IL33: variants seen among roughly 807,000 people sequenced by gnomAD.
IL33 encodes the protein interleukin-33.
A neutral mutation model predicts 27.3 loss-of-function variants in IL33; 37 were observed. The observed-to-expected ratio is 1.36, with a 90% CI of 1.04 to 1.78. The LOEUF (loss-of-function observed/expected upper bound fraction) is 1.78, where lower values mean the gene tolerates loss of function less well. IL33 is among the 40% of genes most tolerant of loss of function. The probability of loss-of-function intolerance (pLI) is 0.00; values close to 1 mark genes in which losing one functional copy is unlikely to be tolerated. For missense variants in IL33, 406 were observed against 311.4 expected (o/e 1.30, Z -2.29); for synonymous variants, 132 against 102.9 (o/e 1.28, Z -1.71).
chr9:6,234,882 G>T (rs1819108745), intron 1 of IL33, among the ~76,000 whole-genome samples: 1 of 152,056 alleles, frequency 6.6e-6, no homozygotes, highest in Non-Finnish European at 1.5e-5. Flanking sequence ...TTGTCCACAG[G>T]ATAAAATTCA....
In IL33 at chr9:6,252,074, AAAAC is replaced by A. The variant is rs1218197554; in HGVS notation, c.344-788_344-785del. On this transcript the variant is annotated intron_variant, in intron 4 of 7. Coordinates refer to ENST00000682010, the MANE Select transcript of IL33 (RefSeq NM_033439.4). ...AAACAAACAAAAAAAAACCCAACAAAAAACAAAACAAAACAAAAAAACCAACTTT... is the reference window on the plus strand; with the variant it reads ...AAACAAACAAAAAAAAACCCAACAAAAAAACAAAACAAAAAAACCAACTTT... 2.1e-3 allele frequency among the ~76,000 whole-genome samples: 281 copies of A among 131,866 alleles called. 9 individuals carry two copies. Among genetic ancestry groups the A allele is most frequent in the African/African-American group, 7.5e-3 (238 of 31,894 alleles). The allele number at this position is 131,866 out of a possible 152,430, so 86.5% of individuals were successfully genotyped here.
At chr9:6,223,883 T>G (rs1818515891) in intron 1 of IL33, among the ~76,000 whole-genome samples, 1 of 152,162 alleles carries the variant, frequency 6.6e-6, no homozygotes, top group South Asian at 2.1e-4. Flanking sequence ...CTTCCCACCC[T>G]TCTACTCTAC....
chr9:6,253,553 T>A lies in IL33; in HGVS notation c.471T>A (p.Asp157Glu), dbSNP rs763716717. Residue 157 changes from aspartate to glutamate, a missense_variant and splice_region_variant, in exon 6 of 8, where the codon GAT (aspartate) becomes GAA (glutamate). Asp to Glu is a conservative substitution (Grantham distance 45). Transcript: ENST00000682010. ...VEDLKKDEKK[D>E]KVLLSYYESQ... Reference sequence around the variant, plus strand: ...GGGATTTTATGCATTCTCTTTCAGATAAGGTGTTACTGAGTTACTATGAGT... The same window carrying A: ...GGGATTTTATGCATTCTCTTTCAGAAAAGGTGTTACTGAGTTACTATGAGT... 6 of 1,602,102 alleles carry A rather than the reference T, an allele frequency of 3.7e-6. No homozygotes were observed. Among genetic ancestry groups the A allele is most frequent in the Admixed American group, 3.4e-5 (2 of 58,824 alleles).
At chr9:6,245,965 A>G (rs550583582) in intron 2 of IL33, among the ~76,000 whole-genome samples, 2 of 142,166 alleles carry the variant, frequency 1.4e-5, no homozygotes, top group African/African-American at 5.2e-5. Flanking sequence ...TGGGAGGCTG[A>G]GGCAGGAGAA....
At chr9:6,236,517 C>A (rs564485453) in intron 1 of IL33, among the ~76,000 whole-genome samples, 1 of 152,224 alleles carries the variant, frequency 6.6e-6, no homozygotes, top group East Asian at 1.9e-4. Context: ...CTGCCTAGAG[C>A]CTATATTGCA....
intron 2 of IL33, among the ~76,000 whole-genome samples, chr9:6,247,668 G>A (rs1328281951): frequency 1.3e-5 from 2 of 152,004 alleles, no homozygotes; most frequent in Non-Finnish European, 2.9e-5. Flanking sequence ...ATATACATTT[G>A]AGCTGGCTCT....
At chr9:6,236,977 A>T (rs10975507) in intron 1 of IL33, among the ~76,000 whole-genome samples, 29,195 of 152,238 alleles carry the variant, frequency 0.19, 3,048 homozygotes, top group Non-Finnish European at 0.22. Flanking sequence ...AATGCATTTA[A>T]GTAGCTCCAT....
intron 2 of IL33, among the ~76,000 whole-genome samples, chr9:6,242,993 A>T (rs537822908): frequency 1.1e-4 from 16 of 152,232 alleles, no homozygotes; most frequent in African/African-American, 3.9e-4. Context: ...GGAGGGACCA[A>T]CCTTTTTTCA....
intron 1 of IL33, among the ~76,000 whole-genome samples, chr9:6,228,702 A>C (rs192273633): frequency 6.6e-6 from 1 of 152,176 alleles, no homozygotes; most frequent in East Asian, 1.9e-4. Context: ...ACAAAAATAA[A>C]AATTTAGCCG....
At chr9:6,241,588 G>C in intron 1 of IL33, 96 bp from the exon 2 acceptor site, 4 of 640,754 alleles carry the variant, frequency 6.2e-6, no homozygotes, top group Non-Finnish European at 1.1e-5. Context: ...TCCTCTATAT[G>C]GTTATGTTAC....
intron 1 of IL33, among the ~76,000 whole-genome samples, chr9:6,216,095 G>A (rs114648893): frequency 1.3e-4 from 20 of 152,202 alleles, no homozygotes; most frequent in African/African-American, 3.9e-4. Context: ...AGTTTTTATA[G>A]TAAATTCTGC....
Position 6,252,075 on chromosome 9 carries a change from AAAC to A in IL33, c.344-788_344-786del, listed in dbSNP as rs1564073291. Among the ~76,000 whole-genome samples the A allele has an allele frequency of 5.4e-3, 722 of 134,550 alleles. 34 individuals carry two copies. Among genetic ancestry groups the A allele is most frequent in the African/African-American group, 0.02 (679 of 33,802 alleles). The allele number at this position is 134,550 out of a possible 152,430, so 88.3% of individuals were successfully genotyped here. On this transcript the variant is annotated intron_variant, in intron 4 of 7. Coordinates refer to ENST00000682010, the MANE Select transcript of IL33 (RefSeq NM_033439.4). ...AACAAACAAAAAAAAACCCAACAAA[AAAC>A]AAAACAAAACAAAAAAACCAACTTT...
chr9:6,215,275 G>C (rs562799600), upstream of IL33, among the ~76,000 whole-genome samples: 2 of 152,312 alleles, frequency 1.3e-5, no homozygotes, highest in East Asian at 3.9e-4. Flanking sequence ...TCTTCTGCGA[G>C]ATTTTTGAGA....
At chr9:6,239,236 C>T (rs965434588) in intron 1 of IL33, among the ~76,000 whole-genome samples, 2 of 152,184 alleles carry the variant, frequency 1.3e-5, no homozygotes, top group Non-Finnish European at 2.9e-5. Context: ...TCAGTGAACA[C>T]ATTCCTTTCC....
At chr9:6,247,451 T>C (rs1298486993) in intron 2 of IL33, among the ~76,000 whole-genome samples, 1 of 152,188 alleles carries the variant, frequency 6.6e-6, no homozygotes, top group Non-Finnish European at 1.5e-5. Context: ...ACCTCTGTGG[T>C]TTCCTATCAG....
At chr9:6,224,356 C>A (rs4520212) in intron 1 of IL33, among the ~76,000 whole-genome samples, 1 of 152,116 alleles carries the variant, frequency 6.6e-6, no homozygotes, top group African/African-American at 2.4e-5. Context: ...GCCTGCTTTT[C>A]TACAAAGGAA....
chr9:6,246,292 G>A (rs182674337), intron 2 of IL33, among the ~76,000 whole-genome samples: 9 of 151,850 alleles, frequency 5.9e-5, no homozygotes, highest in South Asian at 2.1e-4. Context: ...GGCTGGGTGC[G>A]GTGGCTTATG....
At chr9:6,220,036 T>G (rs1564045460) in intron 1 of IL33, among the ~76,000 whole-genome samples, 1 of 152,228 alleles carries the variant, frequency 6.6e-6, no homozygotes, top group Non-Finnish European at 1.5e-5. Context: ...AATATGAAAA[T>G]ATTGATGAAG....
At chr9:6,225,598 A>G (rs1206831901) in intron 1 of IL33, among the ~76,000 whole-genome samples, 2 of 152,234 alleles carry the variant, frequency 1.3e-5, no homozygotes, top group Non-Finnish European at 1.5e-5. Flanking sequence ...GCAAATATCA[A>G]ATGTTTATTT....
Sources: gnomAD v4.1 joint callset for allele counts (sites outside exome capture counted in the v4.1 genomes callset) on GRCh38, gnomAD v4.1.1 for gene constraint, MANE v1.5 for transcripts, NCBI Gene and HGNC (gene_info 2026-07-23, HGNC 2026-07-21) for gene names.